Variants in EHMT1 observed in about 807,000 individuals in gnomAD.
EHMT1 encodes histone-lysine N-methyltransferase EHMT1.
Under a neutral mutation model 147.2 loss-of-function variants are expected in EHMT1, and 15 were observed. The ratio of observed to expected loss-of-function variants is 0.10; its 90% CI spans 0.07 to 0.16. EHMT1 has a LOEUF of 0.16. Among genes scored for constraint, EHMT1 ranks in the 10% least tolerant of loss-of-function variants. EHMT1 has a pLI of 1.00. For synonymous variants in EHMT1, 795 were observed against 709.6 expected (o/e 1.12, Z -1.91); for missense variants, 1,587 against 1,772.4 (o/e 0.90, Z 1.88).
intron 4 of EHMT1, among the ~76,000 whole-genome samples, chr9:137,734,418 T>C (rs866572258): frequency 6.6e-5 from 10 of 152,248 alleles, no homozygotes; most frequent in South Asian, 2.1e-4. Context: ...AACTTGAAGA[T>C]AGGACAGTGA....
chr9:137,798,940 G>A (rs1953197009), intron 17 of EHMT1, 26 bp downstream of exon 17: 2 of 1,566,044 alleles, frequency 1.3e-6, no homozygotes, highest in Non-Finnish European at 1.8e-6. Flanking sequence ...CCCCTTAGCA[G>A]TACACTGTGT....
chr9:137,778,381 G>GTT (rs755860928), intron 13 of EHMT1, among the ~76,000 whole-genome samples: 4 of 152,164 alleles, frequency 2.6e-5, no homozygotes, highest in Non-Finnish European at 5.9e-5. Flanking sequence ...CCTTGACTCC[G>GTT]TTTCCCTCCC....
intron 7 of EHMT1, 58 bp from the exon 8 acceptor site, chr9:137,754,113 T>C: frequency 6.2e-7 from 1 of 1,612,934 alleles, no homozygotes; most frequent in East Asian, 2.2e-5. Flanking sequence ...GTAGTGCTCT[T>C]GCCTTCCGTA....
chr9:137,778,169 C>T (rs964804899), intron 13 of EHMT1, 114 bp downstream of exon 13: 15 of 1,298,994 alleles, frequency 1.2e-5, no homozygotes, highest in African/African-American at 8.8e-5. Context: ...TAATGCTGTT[C>T]GTTAGAATAA....
chr9:137,745,338 T>C, intron 6 of EHMT1: 1 of 386,016 alleles, frequency 2.6e-6, no homozygotes, highest in Non-Finnish European at 4.6e-6. Context: ...TTAGGGCAAA[T>C]TTTTGAATGT....
intron 3 of EHMT1, 135 bp from the exon 4 acceptor site, chr9:137,728,212 CTT>C: frequency 7.7e-7 from 1 of 1,292,840 alleles, no homozygotes; most frequent in Non-Finnish European, 1.1e-6. Context: ...CGCTTGCAGA[CTT>C]TCTCCTCTCT....
intron 14 of EHMT1, 148 bp downstream of exon 14, chr9:137,779,865 G>A: frequency 3.6e-6 from 3 of 826,864 alleles, no homozygotes; most frequent in East Asian, 2.7e-5. Context: ...AGTGAGAATA[G>A]GTTGCCCACT....
intron 1 of EHMT1, among the ~76,000 whole-genome samples, chr9:137,628,100 C>A (rs944424271): frequency 4.6e-5 from 7 of 152,206 alleles, no homozygotes; most frequent in African/African-American, 1.7e-4. Context: ...CCTGAGAGGT[C>A]AGCTGTTCTC....
At chr9:137,728,091 C>T (rs1305324037) in intron 3 of EHMT1, among the ~76,000 whole-genome samples, 3 of 152,230 alleles carry the variant, frequency 2.0e-5, no homozygotes, top group African/African-American at 4.8e-5. Context: ...ATTCCTCCTT[C>T]TGGCCTTTAG....
chr9:137,799,786 G>A (rs916206052), intron 17 of EHMT1, among the ~76,000 whole-genome samples: 22 of 152,264 alleles, frequency 1.4e-4, no homozygotes, highest in Admixed American at 1.4e-3. Flanking sequence ...GGAAGCAGCA[G>A]CGTCTGTGAT....
intron 1 of EHMT1, among the ~76,000 whole-genome samples, chr9:137,641,725 C>T (rs1181517257): frequency 6.6e-6 from 1 of 152,170 alleles, no homozygotes; most frequent in Non-Finnish European, 1.5e-5. Flanking sequence ...GTCTTCCTTT[C>T]AGGCAGGGGC....
intron 17 of EHMT1, chr9:137,800,511 C>T (rs72766960): frequency 7.8e-4 from 245 of 315,036 alleles, no homozygotes; most frequent in Non-Finnish European, 1.1e-3. Flanking sequence ...CCGGGTCTGG[C>T]CTGGGCTTAC....
chr9:137,745,656 A>G (rs775784500), intron 6 of EHMT1: 38 of 397,730 alleles, frequency 9.6e-5, no homozygotes, highest in Admixed American at 2.2e-4. Context: ...GTCTCTGCAC[A>G]CACGTGTCTG....
In EHMT1 at chr9:137,793,516, G is replaced by A. The variant is rs184641743; in HGVS notation, c.2505+2546G>A. On this transcript the variant is annotated intron_variant, in intron 16 of 26. Transcript: ENST00000460843. ...AGATCGCTAAGCATAGGATTACGCT[G>A]TGATCTGTAGCAACTCCACTCCTAA... Among the ~76,000 whole-genome samples the A allele has an allele frequency of 4.6e-5, 7 of 152,372 alleles. No homozygotes were observed. In the East Asian group the frequency reaches 5.8e-4, roughly 13 times the overall value.
chr9:137,673,340 C>T (rs756882148), intron 1 of EHMT1, among the ~76,000 whole-genome samples: 12 of 152,258 alleles, frequency 7.9e-5, no homozygotes, highest in South Asian at 2.1e-4. Context: ...CTGATAGGAC[C>T]GTTGCTCACG....
chr9:137,811,605 G>A lies in EHMT1; in HGVS notation c.2857G>A (p.Asp953Asn), dbSNP rs545307226. The change falls in exon 19 of 27, where the codon GAC (aspartate) becomes AAC (asparagine). Residue 953 changes from aspartate to asparagine, a missense_variant. Transcript: ENST00000460843. ...CATTGCCGCCCGGGAGAACCGCTACGACTGTGTCGTGTGAGTGCAGTGCTT... is the reference window on the plus strand; with the variant it reads ...CATTGCCGCCCGGGAGAACCGCTACAACTGTGTCGTGTGAGTGCAGTGCTT... The part of the protein sequence containing the change: ...LHIAARENRY[D>N]CVVLFLSRDS... 1.0e-5 allele frequency: 16 copies of A among 1,601,682 alleles called. No homozygotes were observed. Among genetic ancestry groups the A allele is most frequent in the South Asian group, 3.3e-5 (3 of 91,082 alleles).
In EHMT1 at chr9:137,782,066, G is replaced by A. The variant is rs549520048; in HGVS notation, c.2276-225G>A. 1.3e-5 allele frequency among the ~76,000 whole-genome samples: 2 copies of A among 152,308 alleles called. No individual in the cohort carries two copies. Among genetic ancestry groups the A allele is most frequent in the East Asian group, 3.9e-4 (2 of 5,182 alleles). ...GGTAAAGGGAAGAGCGTGCCTTGCC[G>A]AGTTAGTTCTGACAGAGGGACCTGC... On this transcript the variant is annotated intron_variant, in intron 14 of 26. Transcript: ENST00000460843. This position sits in a 1 kb window ranked among gnomAD's most constrained non-coding sequence, Gnocchi z 5.7.
intron 3 of EHMT1, 108 bp downstream of exon 3, chr9:137,717,290 A>G (rs894531150): frequency 2.2e-5 from 31 of 1,404,040 alleles, no homozygotes; most frequent in Admixed American, 7.8e-5. Context: ...GTCAGTGGTT[A>G]TCCGACAGGG....
At chr9:137,625,948 C>T (rs942255715) in intron 1 of EHMT1, among the ~76,000 whole-genome samples, 3 of 151,150 alleles carry the variant, frequency 2.0e-5, no homozygotes, top group Non-Finnish European at 2.9e-5. Flanking sequence ...CTCTGCCTCC[C>T]GGGTTCAAGT....
Sources: gnomAD v4.1 joint callset for allele counts (sites outside exome capture counted in the v4.1 genomes callset) on GRCh38, gnomAD v4.1.1 for gene constraint, Gnocchi (gnomAD v3.1) non-coding constraint, MANE v1.5 for transcripts, NCBI Gene and HGNC (gene_info 2026-07-23, HGNC 2026-07-21) for gene names.